The following CDKN2B-AS1 variants were observed in gnomAD, a reference collection of about 807,000 sequenced individuals.
The protein encoded by CDKN2B-AS1 is CDKN2B and CDKN2A antisense cis and trans regulatory RNA 1, also known as CDKN2B antisense RNA 1 (non-protein coding).
intron 4 of CDKN2B-AS1, among the ~76,000 whole-genome samples, chr9:22,069,770 A>C (rs1246194268): frequency 6.6e-6 from 1 of 152,106 alleles, no homozygotes; most frequent in Admixed American, 6.6e-5. Flanking sequence ...TATTCCTCCT[A>C]TTGAATTGTA....
rs1436276726 is a variant in CDKN2B-AS1 at position 22,005,945 on chromosome 9, G to A, written n.29+10784G>A. 4 of 1,596,440 alleles carry A rather than the reference G, an allele frequency of 2.5e-6. No individual in the cohort carries two copies. The highest frequency in any genetic ancestry group is 3.4e-6 in the Non-Finnish European group (4 of 1,178,968). On this transcript the variant is annotated intron_variant and non_coding_transcript_variant, in intron 1 of 4. Coordinates refer to ENST00000650946, the Ensembl canonical transcript of CDKN2B-AS1. This position sits in a 1 kb window ranked among gnomAD's most constrained non-coding sequence, Gnocchi z 4.9. ...TAGGTGGGTGGGGGTGGGAAATTGG[G>A]TAAGAAAATAAAGTCGTTGTGGGCG...
At chr9:22,087,911 G>T (rs538478105) in intron 4 of CDKN2B-AS1, among the ~76,000 whole-genome samples, 39 of 152,320 alleles carry the variant, frequency 2.6e-4, no homozygotes, top group African/African-American at 9.1e-4. Flanking sequence ...GCCAGATATA[G>T]TTTCCTATGA....
chr9:22,010,585 T>C (rs929576674), intron 1 of CDKN2B-AS1, among the ~76,000 whole-genome samples: 10 of 152,170 alleles, frequency 6.6e-5, no homozygotes, highest in African/African-American at 2.2e-4. Flanking sequence ...AGCTCTTTCT[T>C]TTAAAGGCAG....
At chr9:22,093,689 C>T (rs887824661) in intron 4 of CDKN2B-AS1, among the ~76,000 whole-genome samples, 1 of 142,728 alleles carries the variant, frequency 7.0e-6, no homozygotes. Flanking sequence ...TCCTCCATCC[C>T]TTTATTTTGA....
chr9:22,027,772 A>C (rs1822302420), intron 1 of CDKN2B-AS1, among the ~76,000 whole-genome samples: 1 of 152,204 alleles, frequency 6.6e-6, no homozygotes, highest in South Asian at 2.1e-4. Context: ...AGGGATAGCA[A>C]TTTCTTTTGT....
intron 1 of CDKN2B-AS1, among the ~76,000 whole-genome samples, chr9:22,012,812 G>T (rs1259432428): frequency 6.6e-6 from 1 of 151,972 alleles, no homozygotes; most frequent in Non-Finnish European, 1.5e-5. Context: ...CCACCAAGAG[G>T]TTTGATTTTC....
chr9:22,089,881 G>A (rs1825008038), intron 4 of CDKN2B-AS1, among the ~76,000 whole-genome samples: 1 of 151,880 alleles, frequency 6.6e-6, no homozygotes, highest in Non-Finnish European at 1.5e-5. Flanking sequence ...CAACGTGCAG[G>A]TTTGTTACCT....
chr9:22,109,490 C>T (rs1007574731), intron 4 of CDKN2B-AS1, among the ~76,000 whole-genome samples: 8 of 152,252 alleles, frequency 5.3e-5, no homozygotes, highest in South Asian at 2.1e-4. Flanking sequence ...ACGTTTCCTG[C>T]GTGTACTTAT....
intron 4 of CDKN2B-AS1, among the ~76,000 whole-genome samples, chr9:22,076,391 C>A (rs576048967): frequency 1.2e-4 from 19 of 152,150 alleles, no homozygotes; most frequent in African/African-American, 4.6e-4. Flanking sequence ...ATAATATAAT[C>A]TCTCAAAATA....
rs559133573 is a variant in CDKN2B-AS1, at chr9:22,027,541, GA to G, written n.30-19204del. 2.6e-5 allele frequency among the ~76,000 whole-genome samples: 4 copies of G among 152,220 alleles called. No homozygotes were observed. The East Asian group carries it at 7.7e-4, about 29-fold the overall frequency. On this transcript the variant is annotated intron_variant and non_coding_transcript_variant, in intron 1 of 4. Transcript: ENST00000650946. ...AGTGAACAAAACAATATTAGTATTA[GA>G]AAAAACATCCAAAAATAATGACCTT...
In CDKN2B-AS1 at chr9:22,039,559, AT is replaced by A. The variant is rs1457845614; in HGVS notation, n.30-7187del. ...GGTAGAGGCCAGCATTATTTTCTCC[AT>A]TTTTGGAATGAGAAAATACAGATTA... is the stretch of plus-strand genomic sequence containing the variant. On this transcript the variant is annotated intron_variant and non_coding_transcript_variant, in intron 1 of 4. Transcript: ENST00000650946. This position sits in a 1 kb window ranked among gnomAD's most constrained non-coding sequence, Gnocchi z 4.4. 2.6e-5 allele frequency among the ~76,000 whole-genome samples: 4 copies of A among 151,942 alleles called. No individual in the cohort carries two copies. Among genetic ancestry groups the A allele is most frequent in the Non-Finnish European group, 4.4e-5 (3 of 67,940 alleles).
intron 1 of CDKN2B-AS1, among the ~76,000 whole-genome samples, chr9:22,042,276 C>T (rs1822927756): frequency 6.6e-6 from 1 of 152,002 alleles, no homozygotes; most frequent in African/African-American, 2.4e-5. Flanking sequence ...AAATATTTAC[C>T]AACCATGTTT....
intron 1 of CDKN2B-AS1, chr9:22,004,566 T>A (rs1821075303): frequency 8.6e-6 from 2 of 232,354 alleles, no homozygotes; most frequent in Non-Finnish European, 1.7e-5. Context: ...CTCTTGGAGT[T>A]CAATCTCTGT....
intron 4 of CDKN2B-AS1, among the ~76,000 whole-genome samples, chr9:22,125,454 T>C (rs1194382971): frequency 6.6e-6 from 1 of 152,226 alleles, no homozygotes; most frequent in East Asian, 1.9e-4. Context: ...TCCAAATTTA[T>C]GGTCACTACC....
rs766734463 is a variant in CDKN2B-AS1, at chr9:22,121,981, A to C, written n.439-5122A>C. 1.7e-3 allele frequency among the ~76,000 whole-genome samples: 262 copies of C among 152,108 alleles called. 1 individual carries two copies. Among genetic ancestry groups the C allele is most frequent in the Admixed American group, 2.9e-3 (44 of 15,268 alleles). ...TTGAGGAACCTCCATTCTGTCCTCC[A>C]TAGTGGTTGTACTAGTTTACGTTCC... On this transcript the variant is annotated intron_variant and non_coding_transcript_variant, in intron 4 of 4. Coordinates refer to ENST00000650946, the Ensembl canonical transcript of CDKN2B-AS1.
chr9:22,070,191 T>G (rs146607603), intron 4 of CDKN2B-AS1, among the ~76,000 whole-genome samples: 36 of 152,270 alleles, frequency 2.4e-4, no homozygotes, highest in African/African-American at 7.9e-4. Context: ...AAATTGTGTT[T>G]TAGATGACAG....
At chr9:22,123,727 T>A (rs375547937) in intron 4 of CDKN2B-AS1, among the ~76,000 whole-genome samples, 1 of 152,234 alleles carries the variant, frequency 6.6e-6, no homozygotes, top group South Asian at 2.1e-4. Context: ...GTCTGTTATG[T>A]GGTAAAGGGA....
intron 4 of CDKN2B-AS1, among the ~76,000 whole-genome samples, chr9:22,103,111 G>T (rs1194492090): frequency 2.0e-5 from 3 of 147,716 alleles, no homozygotes; most frequent in Non-Finnish European, 4.5e-5. Flanking sequence ...CTGCATTCTG[G>T]GGTTTTCATT....
At chr9:22,091,092 C>T (rs1825066620) in intron 4 of CDKN2B-AS1, among the ~76,000 whole-genome samples, 1 of 152,146 alleles carries the variant, frequency 6.6e-6, no homozygotes, top group Admixed American at 6.5e-5. Context: ...GAATCCTTTC[C>T]CCATTGCTTG....
Sources: gnomAD v4.1 joint callset for allele counts (sites outside exome capture counted in the v4.1 genomes callset) on GRCh38, gnomAD v4.1.1 for gene constraint, Gnocchi (gnomAD v3.1) non-coding constraint, MANE v1.5 for transcripts, NCBI Gene and HGNC (gene_info 2026-07-23, HGNC 2026-07-21) for gene names.